The following SCARB1 variants were observed in gnomAD, a reference collection of about 807,000 sequenced individuals.
SCARB1 encodes CD36 and LIMPII analogous 1.
SCARB1 carries 30 observed loss-of-function variants against 57.2 expected under a neutral mutation model. The observed-to-expected ratio is 0.52, with a 90% CI of 0.39 to 0.71. The LOEUF (loss-of-function observed/expected upper bound fraction) is 0.71. SCARB1 is among the 30% of genes least tolerant of loss of function. SCARB1 has a pLI of 0.00. For synonymous variants in SCARB1, 249 were observed against 268.3 expected, an observed-to-expected ratio of 0.93 and a Z score of 0.70; for missense variants, 543 against 671.2, an observed-to-expected ratio of 0.81 and a Z score of 2.11.
intron 1 of SCARB1, among the ~76,000 whole-genome samples, chr12:124,855,562 CG>C (rs1261131588): frequency 2.6e-5 from 4 of 152,172 alleles, no homozygotes; most frequent in African/African-American, 9.7e-5. Flanking sequence ...GGGAGGGAGA[CG>C]AGGTAAATAA....
intron 1 of SCARB1, among the ~76,000 whole-genome samples, chr12:124,855,527 G>A (rs1952590778): frequency 6.6e-6 from 1 of 152,218 alleles, no homozygotes. Context: ...TGGGCCAGCA[G>A]AGCTCAAGGT....
At chr12:124,844,141 T>C (rs751128280) in intron 1 of SCARB1, among the ~76,000 whole-genome samples, 82 of 152,194 alleles carry the variant, frequency 5.4e-4, no homozygotes, top group Non-Finnish European at 9.0e-4. Flanking sequence ...GGTACCCCCG[T>C]CGCTAAGGGA....
chr12:124,817,032 G>A lies in SCARB1; in HGVS notation c.284+518C>T, dbSNP rs1950745754. Among the ~76,000 whole-genome samples the A allele has an allele frequency of 7.0e-6, 1 of 141,908 alleles. No individual in the cohort carries two copies. The highest frequency in any genetic ancestry group is 6.8e-5 in the Admixed American group (1 of 14,758). 93.1% of individuals were successfully genotyped at this position (141,908 alleles called of 152,430 possible). A position where few individuals can be genotyped will look rare whatever the true frequency, so the allele number is the denominator to read the frequency against. On this transcript the variant is annotated intron_variant, in intron 2 of 12. Transcript: ENST00000261693. The surrounding 1 kb of genome is among the most constrained non-coding windows in gnomAD (Gnocchi z 4.8). The stretch of plus-strand genomic sequence containing the variant: ...CTCCTGGTCATGCATGTGTGTGTGT[G>A]TGTGTGTGTGTGTGTGTATGTGTGT...
At chr12:124,779,200 C>T (rs1343121401) in intron 12 of SCARB1, among the ~76,000 whole-genome samples, 1 of 152,218 alleles carries the variant, frequency 6.6e-6, no homozygotes, top group African/African-American at 2.4e-5. Context: ...CCTCTCACCT[C>T]AGCCTCCCAA....
At chr12:124,798,142 G>A (rs75298675) in intron 8 of SCARB1, among the ~76,000 whole-genome samples, 2,762 of 152,362 alleles carry the variant, frequency 0.018, 55 homozygotes, top group South Asian at 0.048. Flanking sequence ...TGGGCGCGGC[G>A]GCTCACGCCT....
intron 1 of SCARB1, among the ~76,000 whole-genome samples, chr12:124,846,729 CAAAAAAAAAAAAAA>C (rs5801572): frequency 3.9e-4 from 18 of 46,036 alleles, no homozygotes; most frequent in African/African-American, 1.1e-3. Context: ...GACTCCATCT[CAAAAAAAAAAAAAA>C]AAAAAAAAAA....
intron 12 of SCARB1, among the ~76,000 whole-genome samples, chr12:124,778,840 CTT>C (rs1023542340): frequency 3.3e-5 from 5 of 152,222 alleles, no homozygotes; most frequent in African/African-American, 1.2e-4. Flanking sequence ...CCCAAAGAGA[CTT>C]AATACAGTGA....
chr12:124,832,540 A>G (rs1951447251), intron 1 of SCARB1, among the ~76,000 whole-genome samples: 1 of 151,710 alleles, frequency 6.6e-6, no homozygotes, highest in Admixed American at 6.6e-5. Flanking sequence ...AAACTGTTCT[A>G]AAACAGAAAG....
chr12:124,853,777 C>G (rs774464787), intron 1 of SCARB1, among the ~76,000 whole-genome samples: 6 of 152,090 alleles, frequency 3.9e-5, no homozygotes, highest in Non-Finnish European at 5.9e-5. Context: ...AGCAAACAGC[C>G]CCATGATGAC....
intron 6 of SCARB1, among the ~76,000 whole-genome samples, chr12:124,809,015 C>T (rs1255980899): frequency 6.6e-6 from 1 of 152,074 alleles, no homozygotes; most frequent in African/African-American, 2.4e-5. Context: ...AGGAAAGTGC[C>T]AGCTTAGATA....
chr12:124,811,755 C>T, intron 5 of SCARB1, 115 bp downstream of exon 5: 1 of 737,966 alleles, frequency 1.4e-6, no homozygotes, highest in East Asian at 2.7e-5. Context: ...TCCCAGCACC[C>T]TCTTCACGAC....
intron 11 of SCARB1, chr12:124,783,053 C>A: frequency 2.0e-6 from 1 of 495,654 alleles, no homozygotes; most frequent in East Asian, 3.7e-5. Context: ...AGGGCTCGTC[C>A]ACTTGAAAAT....
intron 11 of SCARB1, 96 bp downstream of exon 11, chr12:124,786,261 G>T (rs766426416): frequency 1.2e-6 from 2 of 1,600,356 alleles, no homozygotes; most frequent in Non-Finnish European, 1.7e-6. Context: ...GTGGGCTCCA[G>T]GCTGCGGTTG....
chr12:124,852,962 C>T (rs932543616), intron 1 of SCARB1, among the ~76,000 whole-genome samples: 2 of 152,076 alleles, frequency 1.3e-5, no homozygotes, highest in African/African-American at 2.4e-5. Context: ...TCGTTTGAAC[C>T]GGGGAGGAGG....
At chr12:124,828,312 C>G (rs1325680844) in intron 1 of SCARB1, among the ~76,000 whole-genome samples, 1 of 152,034 alleles carries the variant, frequency 6.6e-6, no homozygotes, top group African/African-American at 2.4e-5. Context: ...CCCGCTCGCC[C>G]AGGTGCCACC....
Position 124,841,904 on chromosome 12 carries a change from G to T in SCARB1, c.126+21691C>A, listed in dbSNP as rs115212789. 4.7e-3 allele frequency among the ~76,000 whole-genome samples: 720 copies of T among 152,290 alleles called. 10 individuals are homozygous for T. The highest frequency in any genetic ancestry group is 0.016 in the African/African-American group (664 of 41,560). Reference sequence around the variant, plus strand: ...TCCCTCCTGCTAAAGCGTAGCTGCCGTGAGCAGGACCAGGTCTCTTTTGTC... The same window carrying T: ...TCCCTCCTGCTAAAGCGTAGCTGCCTTGAGCAGGACCAGGTCTCTTTTGTC... On this transcript the variant is annotated intron_variant, in intron 1 of 12. Coordinates refer to ENST00000261693, the MANE Select transcript of SCARB1 (RefSeq NM_005505.5).
chr12:124,826,248 T>G (rs1015167928), intron 1 of SCARB1, among the ~76,000 whole-genome samples: 7 of 151,200 alleles, frequency 4.6e-5, no homozygotes, highest in African/African-American at 1.5e-4. Flanking sequence ...GGAGGATCAC[T>G]TGAGCCTGAG....
At chr12:124,844,792 T>C (rs1018008960) in intron 1 of SCARB1, among the ~76,000 whole-genome samples, 1 of 151,404 alleles carries the variant, frequency 6.6e-6, no homozygotes, top group African/African-American at 2.4e-5. Context: ...GCACCTGTTA[T>C]GGACATTTTT....
At chr12:124,795,141 G>T in intron 9 of SCARB1, 54 bp downstream of exon 9, 3 of 1,441,716 alleles carry the variant, frequency 2.1e-6, no homozygotes, top group South Asian at 1.1e-5. Context: ...CTGGAGCACT[G>T]AGCACCTAAT....
Sources: allele counts gnomAD v4.1 joint callset (sites outside exome capture counted in the v4.1 genomes callset), GRCh38; gene constraint gnomAD v4.1.1; non-coding constraint Gnocchi (gnomAD v3.1); transcripts MANE v1.5; gene names NCBI Gene and HGNC (gene_info 2026-07-23, HGNC 2026-07-21).